The following CBLB variants were observed in gnomAD, a reference collection of about 807,000 sequenced individuals.
CBLB encodes E3 ubiquitin-protein ligase CBL-B.
CBLB carries 31 observed loss-of-function variants against 104.9 expected under a neutral mutation model. The ratio of observed to expected loss-of-function variants is 0.30; its 90% CI spans 0.22 to 0.40. The LOEUF (loss-of-function observed/expected upper bound fraction) is 0.40. CBLB is among the 10% of genes least tolerant of loss of function. CBLB has a pLI of 1.00. For synonymous variants in CBLB, 440 were observed against 422.6 expected (o/e 1.04, Z -0.51); for missense variants, 1,062 against 1,214.6 (o/e 0.87, Z 1.87).
At chr3:105,845,354 C>A in intron 3 of CBLB, among the ~76,000 whole-genome samples, 2 of 144,736 alleles carry the variant, frequency 1.4e-5, no homozygotes. Context: ...GAGTTGGGGG[C>A]TGAACAGTAT....
chr3:105,672,251 A>G, intron 17 of CBLB: 1 of 184,294 alleles, frequency 5.4e-6, no homozygotes, highest in Non-Finnish European at 1.2e-5. Context: ...TATAAAATAT[A>G]CCACTGTACT....
At chr3:105,757,514 G>T (rs959189153) in intron 4 of CBLB, among the ~76,000 whole-genome samples, 1 of 152,154 alleles carries the variant, frequency 6.6e-6, no homozygotes, top group African/African-American at 2.4e-5. Context: ...CTTTATCTGG[G>T]TAGGAGATAA....
At chr3:105,707,300 A>C (rs2152798519) in intron 10 of CBLB, among the ~76,000 whole-genome samples, 1 of 152,334 alleles carries the variant, frequency 6.6e-6, no homozygotes, top group African/African-American at 2.4e-5. Flanking sequence ...CTTTTGAAGA[A>C]TTAATTCATT....
rs377352096 is a variant in CBLB, at chr3:105,681,720, G to A, written c.2296+4C>T. 2.6e-5 allele frequency: 42 copies of A among 1,597,454 alleles called. No homozygotes were observed. The highest frequency in any genetic ancestry group is 5.4e-5 in the African/African-American group (4 of 74,546). On this transcript the variant is annotated splice_donor_region_variant and intron_variant, in intron 15 of 18. Coordinates refer to ENST00000394030, the MANE Select transcript of CBLB (RefSeq NM_170662.5). ...TCACAAAGGAAATTATATTCTATAC[G>A]TACCCTTTAAATATATGCTTAAGTC...
intron 14 of CBLB, among the ~76,000 whole-genome samples, chr3:105,682,734 C>T (rs1559804286): frequency 3.3e-5 from 5 of 152,140 alleles, no homozygotes; most frequent in East Asian, 3.9e-4. Context: ...AACTCCTGGC[C>T]GCAAGTGATC....
chr3:105,767,137 T>C (rs2152944015), intron 4 of CBLB, among the ~76,000 whole-genome samples: 1 of 152,318 alleles, frequency 6.6e-6, no homozygotes, highest in Admixed American at 6.5e-5. Flanking sequence ...AAATATTAAC[T>C]AGTGATTCTT....
At position 105,670,227 on chromosome 3, in the gene CBLB, A is replaced by T; in HGVS notation, c.2689+6T>A. ...GTATTATTGTTACTGTTACTAGCCAACTCACCTGAACATGAAGGAAGCTGA... is the reference window on the plus strand; with the variant it reads ...GTATTATTGTTACTGTTACTAGCCATCTCACCTGAACATGAAGGAAGCTGA... On this transcript the variant is annotated splice_donor_region_variant and intron_variant, in intron 18 of 18. Coordinates refer to ENST00000394030, the MANE Select transcript of CBLB (RefSeq NM_170662.5). 6.2e-7 allele frequency: 1 copy of T among 1,612,800 alleles called. No homozygotes were observed. Among genetic ancestry groups the T allele is most frequent in the Non-Finnish European group, 8.5e-7 (1 of 1,179,026 alleles).
chr3:105,859,903 T>C (rs554286062), intron 2 of CBLB, among the ~76,000 whole-genome samples: 1 of 152,316 alleles, frequency 6.6e-6, no homozygotes, highest in Non-Finnish European at 1.5e-5. Context: ...TACACTTTTT[T>C]AATAGATTAT....
chr3:105,763,334 A>G (rs2077855393), intron 4 of CBLB, among the ~76,000 whole-genome samples: 1 of 152,186 alleles, frequency 6.6e-6, no homozygotes, highest in Admixed American at 6.5e-5. Flanking sequence ...GACATGAGAT[A>G]TGGGAGGGGC....
chr3:105,868,687 G>A, intron 1 of CBLB, 49 bp downstream of exon 1: 1 of 997,682 alleles, frequency 1.0e-6, no homozygotes, highest in Non-Finnish European at 1.2e-6. Context: ...CCGGGCCCCC[G>A]GGCCGGCAAG....
chr3:105,854,319 A>T (rs886067905), intron 2 of CBLB, among the ~76,000 whole-genome samples: 1 of 152,230 alleles, frequency 6.6e-6, no homozygotes, highest in African/African-American at 2.4e-5. Flanking sequence ...TGCAGAACTG[A>T]AAGTACCTTC....
At chr3:105,677,509 A>G (rs942359060) in intron 17 of CBLB, among the ~76,000 whole-genome samples, 1 of 152,080 alleles carries the variant, frequency 6.6e-6, no homozygotes, top group Admixed American at 6.5e-5. Context: ...AAAGATTTTC[A>G]TGATTTATCT....
chr3:105,695,149 G>C (rs1446537706), intron 12 of CBLB, among the ~76,000 whole-genome samples: 3 of 151,688 alleles, frequency 2.0e-5, no homozygotes, highest in Non-Finnish European at 3.0e-5. Flanking sequence ...AAACTCATTT[G>C]GGAAAATGTA....
chr3:105,755,892 T>C (rs933428213), intron 4 of CBLB, among the ~76,000 whole-genome samples: 3 of 152,216 alleles, frequency 2.0e-5, no homozygotes, highest in Non-Finnish European at 4.4e-5. Context: ...GTAACAATTT[T>C]GTGCAGAAAA....
intron 18 of CBLB, among the ~76,000 whole-genome samples, chr3:105,667,843 G>A (rs2064643891): frequency 6.6e-6 from 1 of 152,116 alleles, no homozygotes; most frequent in Admixed American, 6.6e-5. Flanking sequence ...AATCATACCA[G>A]AACCCCATTT....
chr3:105,693,686 A>G (rs1416858219), intron 12 of CBLB, 98 bp from the exon 13 acceptor site: 2 of 777,954 alleles, frequency 2.6e-6, no homozygotes, highest in African/African-American at 1.7e-5. Context: ...ATGTAAGTTC[A>G]GTATATTTAA....
At chr3:105,728,059 G>GT (rs2073885582) in intron 9 of CBLB, among the ~76,000 whole-genome samples, 1 of 152,100 alleles carries the variant, frequency 6.6e-6, no homozygotes, top group African/African-American at 2.4e-5. Context: ...ATTTAAAGTA[G>GT]TTTTTTCTAA....
chr3:105,666,409 C>T (rs2064462046), intron 18 of CBLB, among the ~76,000 whole-genome samples: 1 of 152,130 alleles, frequency 6.6e-6, no homozygotes, highest in African/African-American at 2.4e-5. Flanking sequence ...TACTGCTGGC[C>T]ACGCGCAGTG....
intron 6 of CBLB, among the ~76,000 whole-genome samples, chr3:105,744,788 G>C (rs185404240): frequency 2.9e-4 from 44 of 152,098 alleles, no homozygotes; most frequent in Admixed American, 2.9e-3. Flanking sequence ...AAAATAGCTG[G>C]GCGTGGTGGC....
Sources: gnomAD v4.1 joint callset for allele counts (sites outside exome capture counted in the v4.1 genomes callset) on GRCh38, gnomAD v4.1.1 for gene constraint, MANE v1.5 for transcripts, NCBI Gene and HGNC (gene_info 2026-07-23, HGNC 2026-07-21) for gene names.